POU5F2: variants seen among roughly 807,000 people sequenced by gnomAD.
The protein encoded by POU5F2 is POU domain class 5, transcription factor 2.
For synonymous variants in POU5F2, 191 were observed against 178.7 expected, an observed-to-expected ratio of 1.07 and a Z score of -0.55; for missense variants, 401 against 426.6, an observed-to-expected ratio of 0.94 and a Z score of 0.53.
Position 93,735,791 on chromosome 5 carries a change from G to A in POU5F2, c.*4786C>T, listed in dbSNP as rs1747094341. On this transcript the variant is annotated 3_prime_UTR_variant, in exon 1 of 1. Transcript: ENST00000606183. ...CTTTAGACACTGACAAGAAGAAAAA[G>A]CATACATTTGTTAAGCTGGGTCCCT... 2 of 152,034 alleles carry A rather than the reference G, an allele frequency of 1.3e-5. No homozygotes were observed. Among genetic ancestry groups the A allele is most frequent in the East Asian group, 1.9e-4 (1 of 5,162 alleles). 9.4% of individuals were successfully genotyped at this position (152,034 alleles called of 1,614,324 possible).
In POU5F2 at chr5:93,741,245, G is replaced by T. The variant is rs1160478009; in HGVS notation, c.319C>A (p.Leu107Met). 4 of 1,613,924 alleles carry T rather than the reference G, an allele frequency of 2.5e-6. No individual in the cohort carries two copies. The highest frequency in any genetic ancestry group is 2.5e-6 in the Non-Finnish European group (3 of 1,179,888). ...EGALPGPYIA[L>M]RSIPKLPPPE... is the part of the protein sequence containing the mutation. ...GGCGGCAACTTCGGAATGCTCCGCAGGGCAATGTAGGGCCCCGGGAGGGCG... is the reference window on the plus strand; with the variant it reads ...GGCGGCAACTTCGGAATGCTCCGCATGGCAATGTAGGGCCCCGGGAGGGCG... Residue 107 changes from leucine to methionine, a missense_variant, in exon 1 of 1, where the codon CTG becomes ATG. Coordinates refer to ENST00000606183, the MANE Select transcript of POU5F2 (RefSeq NM_153216.2).
chr5:93,740,657 G>T lies in POU5F2; in HGVS notation c.907C>A (p.Pro303Thr), dbSNP rs1748208125. The change falls in exon 1 of 1, where the codon CCC (proline) becomes ACC (threonine). Residue 303 changes from proline (P) to threonine (T), a missense_variant. Pro to Thr is a conservative substitution (Grantham distance 38, BLOSUM62 -1). Transcript: ENST00000606183. ...GCAGAGTAGAGACGTGTATAGTGGG[G>T]GATATCCACTGGGAGCCCCAGTCCC... ...HLGLGLPVDIPHYTRLYSAGV... is the reference protein window; with the variant it reads ...HLGLGLPVDITHYTRLYSAGV... 1 of 1,613,784 alleles carries T rather than the reference G, an allele frequency of 6.2e-7. No individual in the cohort carries two copies. The highest frequency in any genetic ancestry group is 1.1e-5 in the South Asian group (1 of 91,086).
chr5:93,735,044 A>G lies in POU5F2; in HGVS notation c.*5533T>C, dbSNP rs1483729708. On this transcript the variant is annotated 3_prime_UTR_variant, in exon 1 of 1. Transcript: ENST00000606183. ...AGTGCTGGAATTACAGGCATGAGCC[A>G]CCGCACCTGGCCAATGTATCTTGGT... 1 of 152,242 alleles carries G rather than the reference A, an allele frequency of 6.6e-6. No individual in the cohort carries two copies. Among genetic ancestry groups the G allele is most frequent in the Non-Finnish European group, 1.5e-5 (1 of 68,108 alleles). The allele number at this position is 152,242 out of a possible 1,614,324, so 9.4% of individuals were successfully genotyped here.
At position 93,735,905 on chromosome 5, in the gene POU5F2, ATGT is replaced by A. The variant is rs1331519505; in HGVS notation, c.*4669_*4671del. 1 of 151,966 alleles carries A rather than the reference ATGT, an allele frequency of 6.6e-6. No individual in the cohort carries two copies. Among genetic ancestry groups the A allele is most frequent in the Admixed American group, 6.5e-5 (1 of 15,276 alleles). 9.4% of individuals were successfully genotyped at this position (151,966 alleles called of 1,614,324 possible). A position where few individuals can be genotyped will look rare whatever the true frequency, so the allele number is the denominator to read the frequency against. Reference sequence around the variant, plus strand: ...CTAATTCAGATTCTTCTGCTTGATGATGTTGTGGATTCACTGTAGTGAGTTTGG... The same window carrying A: ...CTAATTCAGATTCTTCTGCTTGATGATGTGGATTCACTGTAGTGAGTTTGG... On this transcript the variant is annotated 3_prime_UTR_variant, in exon 1 of 1. Transcript: ENST00000606183.
chr5:93,734,174 A>T lies in POU5F2; in HGVS notation c.*6403T>A, dbSNP rs1244431683. The T allele has an allele frequency of 2.0e-5, 3 of 152,214 alleles. No homozygotes were observed. The highest frequency in any genetic ancestry group is 4.4e-5 in the Non-Finnish European group (3 of 68,020). The allele number at this position is 152,214 out of a possible 1,614,324, so 9.4% of individuals were successfully genotyped here. A position where few individuals can be genotyped will look rare whatever the true frequency, so the allele number is the denominator to read the frequency against. On this transcript the variant is annotated 3_prime_UTR_variant, in exon 1 of 1. Transcript: ENST00000606183. The stretch of plus-strand genomic sequence containing the variant: ...AAATTGTTCCTTATGATAAGATTTT[A>T]ATTAAAGTGCCAAGGATTGATAAAA...
Position 93,739,514 on chromosome 5 carries a change from A to G in POU5F2, c.*1063T>C, listed in dbSNP as rs1747931334. 1 of 152,192 alleles carries G rather than the reference A, an allele frequency of 6.6e-6. No individual in the cohort carries two copies. Among genetic ancestry groups the G allele is most frequent in the Admixed American group, 6.5e-5 (1 of 15,280 alleles). The allele number at this position is 152,192 out of a possible 1,614,324, so 9.4% of individuals were successfully genotyped here. Reference sequence around the variant, plus strand: ...TAAGACATAAACTCTGATATAATACATACTGATAGAATTCTAGGACAATAA... The same window carrying G: ...TAAGACATAAACTCTGATATAATACGTACTGATAGAATTCTAGGACAATAA... On this transcript the variant is annotated 3_prime_UTR_variant, in exon 1 of 1. Transcript: ENST00000606183.
rs1391312203 is a variant in POU5F2, at chr5:93,734,914, GC to G, written c.*5662del. 6.6e-6 allele frequency: 1 copy of G among 151,794 alleles called. No individual in the cohort carries two copies. Among genetic ancestry groups the G allele is most frequent in the Non-Finnish European group, 1.5e-5 (1 of 67,986 alleles). 9.4% of individuals were successfully genotyped at this position (151,794 alleles called of 1,614,324 possible). On this transcript the variant is annotated 3_prime_UTR_variant, in exon 1 of 1. Transcript: ENST00000606183. ...CTGGGATTAAGGTGCACACCACCAT[GC>G]CCGGCTAATTTTTGTACTTTTAGTA...
At position 93,741,387 on chromosome 5, in the gene POU5F2, G is replaced by C. The variant is rs138308146; in HGVS notation, c.177C>G (p.Asp59Glu). ...GGGGACCCAGGGGAATCCTCCACAC[G>C]TCAGGGCCTGGGCAGATCCCTGGCC... ...AVRPGICPGP[D>E]VWRIPLGPLP... Residue 59 changes from aspartate (D) to glutamate (E), a missense_variant, in exon 1 of 1, where the codon GAC (aspartate) becomes GAG (glutamate). Physicochemically the swap from Asp to Glu is conservative, Grantham distance 45. Transcript: ENST00000606183. 5.6e-6 allele frequency: 9 copies of C among 1,612,954 alleles called. No individual in the cohort carries two copies. Among genetic ancestry groups the C allele is most frequent in the Non-Finnish European group, 7.6e-6 (9 of 1,179,596 alleles).
Position 93,734,013 on chromosome 5 carries a change from C to G in POU5F2, c.*6564G>C, listed in dbSNP as rs1746683542. The G allele has an allele frequency of 6.6e-6, 1 of 152,122 alleles. No homozygotes were observed. Among genetic ancestry groups the G allele is most frequent in the Non-Finnish European group, 1.5e-5 (1 of 68,024 alleles). The allele number at this position is 152,122 out of a possible 1,614,324, so 9.4% of individuals were successfully genotyped here. Reference sequence around the variant, plus strand: ...ACTTGGTATAATAAACAAGGATATACAGTATATCTCTTTCAAAAAAATTAA... The same window carrying G: ...ACTTGGTATAATAAACAAGGATATAGAGTATATCTCTTTCAAAAAAATTAA... On this transcript the variant is annotated 3_prime_UTR_variant, in exon 1 of 1. Transcript: ENST00000606183.
rs1335452902 is a variant in POU5F2 at position 93,738,807 on chromosome 5, G to A, written c.*1770C>T. ...TAGGGGATAGGGGAATGGAGTTATT[G>A]CTTAATGAGAAGAGTTTATGTTTGG... On this transcript the variant is annotated 3_prime_UTR_variant, in exon 1 of 1. Transcript: ENST00000606183. 6.6e-6 allele frequency: 1 copy of A among 152,202 alleles called. No homozygotes were observed. The highest frequency in any genetic ancestry group is 1.5e-5 in the Non-Finnish European group (1 of 68,058). 9.4% of individuals were successfully genotyped at this position (152,202 alleles called of 1,614,324 possible).
Position 93,741,376 on chromosome 5 carries a change from A to ATCC in POU5F2, c.185_187dup (p.Arg62dup). On this transcript the variant is annotated inframe_insertion, in exon 1 of 1. Transcript: ENST00000606183. ...TTCGTGTGGCAGGGGACCCAGGGGA[A>ATCC]TCCTCCACACGTCAGGGCCTGGGCA... 6.2e-7 allele frequency: 1 copy of ATCC among 1,612,336 alleles called. No homozygotes were observed. The highest frequency in any genetic ancestry group is 8.5e-7 in the Non-Finnish European group (1 of 1,179,080).
rs1746700066 is a variant in POU5F2 at position 93,734,099 on chromosome 5, CAA to C, written c.*6476_*6477del. The C allele has an allele frequency of 6.6e-6, 1 of 152,054 alleles. No homozygotes were observed. The highest frequency in any genetic ancestry group is 1.5e-5 in the Non-Finnish European group (1 of 67,986). The allele number at this position is 152,054 out of a possible 1,614,324, so 9.4% of individuals were successfully genotyped here. Reference sequence around the variant, plus strand: ...ATGCTTTGAAATAAGGGCAGGTATCCAAACACCTCATGATTTCTTAGAGAATA... The same window carrying C: ...ATGCTTTGAAATAAGGGCAGGTATCCACACCTCATGATTTCTTAGAGAATA... On this transcript the variant is annotated 3_prime_UTR_variant, in exon 1 of 1. Transcript: ENST00000606183.
chr5:93,733,869 G>T lies in POU5F2; in HGVS notation c.*6708C>A, dbSNP rs1251638041. 2.6e-5 allele frequency: 4 copies of T among 152,100 alleles called. No homozygotes were observed. The highest frequency in any genetic ancestry group is 9.7e-5 in the African/African-American group (4 of 41,406). The allele number at this position is 152,100 out of a possible 1,614,324, so 9.4% of individuals were successfully genotyped here. On this transcript the variant is annotated 3_prime_UTR_variant, in exon 1 of 1. Transcript: ENST00000606183. ...ATAACACCATTTTGCATTCTGAAAA[G>T]AATTAATCTTGAATAGATTTTGCCA...
rs1222906557 is a variant in POU5F2, at chr5:93,740,622, G to A, written c.942C>T (p.Ala314=). The change falls in exon 1 of 1, where the codon GCC becomes GCT. Residue 314 remains alanine, a synonymous_variant. Coordinates refer to ENST00000606183, the MANE Select transcript of POU5F2 (RefSeq NM_153216.2). ...GAGTGGTGGCTGGGGCAGAGGAGTG[G>A]GCTACCCCTGCAGAGTAGAGACGTG... ...HYTRLYSAGV[A]HSSAPATTLG... is the part of the protein sequence containing the mutation. 1 of 1,606,528 alleles carries A rather than the reference G, an allele frequency of 6.2e-7. No individual in the cohort carries two copies. The highest frequency in any genetic ancestry group is 2.2e-5 in the East Asian group (1 of 44,592).
rs1159472127 is a variant in POU5F2 at position 93,737,642 on chromosome 5, A to T, written c.*2935T>A. The T allele has an allele frequency of 9.6e-6, 2 of 208,454 alleles. No individual in the cohort carries two copies. The highest frequency in any genetic ancestry group is 4.7e-5 in the African/African-American group (2 of 42,146). 12.9% of individuals were successfully genotyped at this position (208,454 alleles called of 1,614,324 possible). On this transcript the variant is annotated 3_prime_UTR_variant, in exon 1 of 1. Transcript: ENST00000606183. ...GTGGTACTGGCATAAAGACAGACAT[A>T]TAGACCAACAGAAGAGAGTTGAGAG...
At position 93,734,088 on chromosome 5, in the gene POU5F2, G is replaced by A. The variant is rs1746697160; in HGVS notation, c.*6489C>T. 1 of 152,084 alleles carries A rather than the reference G, an allele frequency of 6.6e-6. No homozygotes were observed. Among genetic ancestry groups the A allele is most frequent in the African/African-American group, 2.4e-5 (1 of 41,418 alleles). The allele number at this position is 152,084 out of a possible 1,614,324, so 9.4% of individuals were successfully genotyped here. A position where few individuals can be genotyped will look rare whatever the true frequency, so the allele number is the denominator to read the frequency against. ...AGAAAAAGATCATGCTTTGAAATAA[G>A]GGCAGGTATCCAAACACCTCATGAT... On this transcript the variant is annotated 3_prime_UTR_variant, in exon 1 of 1. Coordinates refer to ENST00000606183, the MANE Select transcript of POU5F2 (RefSeq NM_153216.2).
At position 93,740,970 on chromosome 5, in the gene POU5F2, G is replaced by A. The variant is rs757032596; in HGVS notation, c.594C>T (p.Gly198=). 4 of 1,613,714 alleles carry A rather than the reference G, an allele frequency of 2.5e-6. No individual in the cohort carries two copies. Among genetic ancestry groups the A allele is most frequent in the East Asian group, 4.5e-5 (2 of 44,868 alleles). The change falls in exon 1 of 1, where the codon GGC becomes GGT. Residue 198 remains glycine (G), a synonymous_variant. Transcript: ENST00000606183. The part of the protein sequence containing the change: ...LKEVEAENLL[G]LCKMEMILQQ... ...GCAGGATCATCTCCATTTTGCATAAGCCCAGAAGGTTCTCTGCTTCCACTT... is the reference window on the plus strand; with the variant it reads ...GCAGGATCATCTCCATTTTGCATAAACCCAGAAGGTTCTCTGCTTCCACTT...
chr5:93,739,248 A>T lies in POU5F2; in HGVS notation c.*1329T>A, dbSNP rs2149599680. ...TCTCTATACAGCCACCAGAAAAAAAAAGAAAGAAAGAAAGAAACTAAGTAC... is the reference window on the plus strand; with the variant it reads ...TCTCTATACAGCCACCAGAAAAAAATAGAAAGAAAGAAAGAAACTAAGTAC... On this transcript the variant is annotated 3_prime_UTR_variant, in exon 1 of 1. Transcript: ENST00000606183. The T allele has an allele frequency of 6.6e-6, 1 of 152,256 alleles. No homozygotes were observed. Among genetic ancestry groups the T allele is most frequent in the African/African-American group, 2.4e-5 (1 of 41,564 alleles). The allele number at this position is 152,256 out of a possible 1,614,324, so 9.4% of individuals were successfully genotyped here.
In POU5F2 at chr5:93,734,465, C is replaced by T. The variant is rs1455412318; in HGVS notation, c.*6112G>A. On this transcript the variant is annotated 3_prime_UTR_variant, in exon 1 of 1. Transcript: ENST00000606183. ...GTCCTCTTTGAATATGTGATGAAGG[C>T]TATGAACCATCTTTAAAGAAAATGC... is the stretch of plus-strand genomic sequence containing the variant. 2.6e-5 allele frequency: 4 copies of T among 152,122 alleles called. No homozygotes were observed. The highest frequency in any genetic ancestry group is 9.7e-5 in the African/African-American group (4 of 41,420). The allele number at this position is 152,122 out of a possible 1,614,324, so 9.4% of individuals were successfully genotyped here. A position where few individuals can be genotyped will look rare whatever the true frequency, so the allele number is the denominator to read the frequency against.
Sources: gnomAD v4.1 joint callset for allele counts on GRCh38, gnomAD v4.1.1 for gene constraint, MANE v1.5 for transcripts, NCBI Gene and HGNC (gene_info 2026-07-23, HGNC 2026-07-21) for gene names.